The following CDK5RAP2 variants were observed in gnomAD, a reference collection of about 807,000 sequenced individuals.
The protein encoded by CDK5RAP2 is CDK5 regulatory subunit associated protein 2, also known as CDK5 regulatory subunit-associated protein 2.
CDK5RAP2 carries 147 observed loss-of-function variants against 232.9 expected under a neutral mutation model. The ratio of observed to expected loss-of-function variants is 0.63; its 90% confidence interval spans 0.55 to 0.72. The LOEUF (loss-of-function observed/expected upper bound fraction) is 0.72, where lower values mean the gene tolerates loss of function less well. Ranked by LOEUF, CDK5RAP2 falls within the 30% of genes least tolerant of loss-of-function variation. CDK5RAP2 has a pLI of 0.00. For missense variants in CDK5RAP2, 2,195 were observed against 2,231.5 expected (o/e 0.98, Z 0.33); for synonymous variants, 833 against 833.7 (o/e 1.00, Z 0.01).
chr9:120,558,811 T>A (rs1353600609), intron 3 of CDK5RAP2, among the ~76,000 whole-genome samples: 1 of 152,214 alleles, frequency 6.6e-6, no homozygotes, highest in African/African-American at 2.4e-5. Flanking sequence ...ACCAGCTCAC[T>A]CTCTAATACA....
intron 4 of CDK5RAP2, among the ~76,000 whole-genome samples, chr9:120,547,585 C>A (rs1055022965): frequency 1.3e-5 from 2 of 151,664 alleles, no homozygotes; most frequent in Non-Finnish European, 2.9e-5. Flanking sequence ...GCCTAGGCGA[C>A]AGAGCGAGAC....
chr9:120,430,524 C>T (rs1347672704), intron 25 of CDK5RAP2, among the ~76,000 whole-genome samples: 5 of 151,888 alleles, frequency 3.3e-5, no homozygotes, highest in African/African-American at 1.2e-4. Flanking sequence ...CTCATCATCA[C>T]TGGCCATCAG....
At chr9:120,392,349 C>T (rs907623855) in intron 36 of CDK5RAP2, among the ~76,000 whole-genome samples, 54 of 152,156 alleles carry the variant, frequency 3.5e-4, no homozygotes, top group Non-Finnish European at 1.5e-5. Context: ...TAATGCAGGT[C>T]ACATAGGAGA....
chr9:120,536,290 A>G (rs1419546027), intron 7 of CDK5RAP2, 82 bp downstream of exon 7: 10 of 1,479,368 alleles, frequency 6.8e-6, no homozygotes, highest in Non-Finnish European at 9.4e-6. Context: ...AGGGAGGGAT[A>G]AAAGAGAATA....
At chr9:120,452,353 T>C (rs1321978226) in intron 21 of CDK5RAP2, among the ~76,000 whole-genome samples, 1 of 152,110 alleles carries the variant, frequency 6.6e-6, no homozygotes, top group Non-Finnish European at 1.5e-5. Flanking sequence ...AAAGCAATTT[T>C]GCTAATGATA....
intron 22 of CDK5RAP2, among the ~76,000 whole-genome samples, chr9:120,446,318 G>A (rs1033035369): frequency 4.6e-5 from 7 of 151,796 alleles, no homozygotes; most frequent in Non-Finnish European, 1.0e-4. Flanking sequence ...CCTCCACCTC[G>A]TGGGTTCAAG....
chr9:120,475,940 A>G (rs1379848363), intron 15 of CDK5RAP2, among the ~76,000 whole-genome samples: 1 of 152,210 alleles, frequency 6.6e-6, no homozygotes. Context: ...CTCCCCACGC[A>G]GGGCAGAAAC....
At chr9:120,474,041 A>T (rs1475488653) in intron 15 of CDK5RAP2, among the ~76,000 whole-genome samples, 1 of 152,218 alleles carries the variant, frequency 6.6e-6, no homozygotes, top group Non-Finnish European at 1.5e-5. Context: ...GAGAGATCGA[A>T]GCTCAAAATA....
intron 34 of CDK5RAP2, among the ~76,000 whole-genome samples, chr9:120,401,724 C>T (rs183864029): frequency 1.9e-3 from 288 of 152,130 alleles, no homozygotes; most frequent in African/African-American, 6.6e-3. Context: ...GTGGCTCACG[C>T]CTTTATCCCA....
At chr9:120,521,330 G>T (rs576442895) in intron 11 of CDK5RAP2, among the ~76,000 whole-genome samples, 47 of 152,220 alleles carry the variant, frequency 3.1e-4, no homozygotes, top group African/African-American at 1.1e-3. Flanking sequence ...CTTGCCCAAG[G>T]TTACAGTTAG....
intron 35 of CDK5RAP2, among the ~76,000 whole-genome samples, chr9:120,400,171 A>G (rs112628942): frequency 4.6e-5 from 7 of 152,248 alleles, no homozygotes; most frequent in African/African-American, 1.7e-4. Context: ...ATGACACCAC[A>G]TGCATCCCAC....
At chr9:120,468,537 C>T (rs1416373281) in intron 17 of CDK5RAP2, among the ~76,000 whole-genome samples, 1 of 152,238 alleles carries the variant, frequency 6.6e-6, no homozygotes. Flanking sequence ...TAAAATACTC[C>T]TACAAGCTTT....
chr9:120,537,483 A>G (rs1051971963), intron 6 of CDK5RAP2, among the ~76,000 whole-genome samples: 2 of 152,134 alleles, frequency 1.3e-5, no homozygotes, highest in Non-Finnish European at 2.9e-5. Context: ...ACAACAACAA[A>G]GCCTGTTATT....
chr9:120,446,699 A>T (rs1487817338), intron 22 of CDK5RAP2, among the ~76,000 whole-genome samples: 1 of 151,134 alleles, frequency 6.6e-6, no homozygotes, highest in Non-Finnish European at 1.5e-5. Flanking sequence ...TCCTCACTCC[A>T]CTCCAGTCAC....
chr9:120,432,056 G>A (rs1272513658), intron 25 of CDK5RAP2, among the ~76,000 whole-genome samples: 1 of 152,132 alleles, frequency 6.6e-6, no homozygotes, highest in East Asian at 1.9e-4. Flanking sequence ...CCTACTTCTT[G>A]GAGCCTACCA....
chr9:120,458,398 T>C (rs2131439307), intron 20 of CDK5RAP2, 52 bp downstream of exon 20: 1 of 1,573,422 alleles, frequency 6.4e-7, no homozygotes. Flanking sequence ...AAAATGAGTT[T>C]GTTCTCCCCT....
intron 18 of CDK5RAP2, among the ~76,000 whole-genome samples, chr9:120,461,290 A>C (rs939876124): frequency 1.3e-5 from 2 of 152,244 alleles, no homozygotes; most frequent in African/African-American, 4.8e-5. Flanking sequence ...TTTGGAAATG[A>C]AGGACAGTTA....
Position 120,453,670 on chromosome 9 carries a change from G to A in CDK5RAP2, c.2579C>T (p.Ala860Val), listed in dbSNP as rs189151086. The A allele has an allele frequency of 6.2e-7, 1 of 1,614,202 alleles. No individual in the cohort carries two copies. Among genetic ancestry groups the A allele is most frequent in the Non-Finnish European group, 8.5e-7 (1 of 1,180,046 alleles). The change falls in exon 21 of 38, where the codon GCA (alanine) becomes GTA (valine). Residue 860 changes from alanine (A) to valine (V), a missense_variant. By Grantham distance (64) the Ala-to-Val change is moderately conservative. Transcript: ENST00000349780. The part of the protein sequence containing the change: ...KLSCEAQLVK[A>V]GEVPKVGLKD... ...CAGTCCTACCTTGGGCACTTCGCCTGCCTTTACTAGCTGGGCCTCACAAGA... is the reference window on the plus strand; with the variant it reads ...CAGTCCTACCTTGGGCACTTCGCCTACCTTTACTAGCTGGGCCTCACAAGA...
rs2041323294 is a variant in CDK5RAP2, at chr9:120,535,040, G to T, written c.662+1332C>A. ...TTTCTCTTCCTAGCCATGAAGTCAA[G>T]AAAAACACAAGGTGTCAAATGGGTA... On this transcript the variant is annotated intron_variant, in intron 7 of 37. Transcript: ENST00000349780. 2.0e-5 allele frequency among the ~76,000 whole-genome samples: 3 copies of T among 152,220 alleles called. No individual in the cohort carries two copies. In the South Asian group the frequency reaches 6.2e-4, roughly 31 times the overall value.
Sources: allele counts gnomAD v4.1 joint callset (sites outside exome capture counted in the v4.1 genomes callset), GRCh38; gene constraint gnomAD v4.1.1; transcripts MANE v1.5; gene names NCBI Gene and HGNC (gene_info 2026-07-23, HGNC 2026-07-21).